Variants in CLDN20 observed in about 807,000 individuals in gnomAD.
CLDN20 encodes the protein claudin-20.
For synonymous variants in CLDN20, 104 were observed against 103.6 expected, an observed-to-expected ratio of 1.00 and a Z score of -0.03; for missense variants, 258 against 267.9, an observed-to-expected ratio of 0.96 and a Z score of 0.26.
chr6:155,265,672 A>AAT (rs1328236860), intron 1 of CLDN20, among the ~76,000 whole-genome samples: 14 of 147,756 alleles, frequency 9.5e-5, no homozygotes, highest in South Asian at 4.2e-4. Context: ...GAACTAATGG[A>AAT]ATATATATAT....
At chr6:155,266,715 C>T (rs1429907236) in intron 1 of CLDN20, among the ~76,000 whole-genome samples, 4 of 151,918 alleles carry the variant, frequency 2.6e-5, no homozygotes, top group African/African-American at 4.8e-5. Flanking sequence ...GGCGTGGTGG[C>T]GGCCGCCTGT....
At chr6:155,268,638 T>C (rs2114690594) in intron 1 of CLDN20, among the ~76,000 whole-genome samples, 1 of 152,256 alleles carries the variant, frequency 6.6e-6, no homozygotes, top group African/African-American at 2.4e-5. Context: ...AAACATGATC[T>C]GTGACCTTAC....
At chr6:155,267,692 G>A (rs536271968) in intron 1 of CLDN20, among the ~76,000 whole-genome samples, 5 of 152,256 alleles carry the variant, frequency 3.3e-5, no homozygotes, top group Admixed American at 2.6e-4. Context: ...GAGCAGGTGC[G>A]ACAGTGCTAT....
rs1785188116 is a variant in CLDN20, at chr6:155,276,054, A to G, written c.335A>G (p.Glu112Gly). ...MKCTRLGGDR[E>G]TKSHASFAGG... is the part of the protein sequence containing the mutation. ...TGTACTCGCTTAGGAGGGGACAGAG[A>G]AACCAAGAGCCATGCTTCCTTTGCT... Residue 112 changes from glutamate to glycine, a missense_variant, in exon 2 of 2, where the codon GAA (glutamate) becomes GGA (glycine). Glu to Gly is a moderately conservative substitution (Grantham distance 98). Transcript: ENST00000367165. 6.2e-7 allele frequency: 1 copy of G among 1,614,186 alleles called. No homozygotes were observed. The highest frequency in any genetic ancestry group is 8.5e-7 in the Non-Finnish European group (1 of 1,180,046).
intron 1 of CLDN20, among the ~76,000 whole-genome samples, chr6:155,265,640 A>G (rs1320364260): frequency 6.7e-6 from 1 of 149,446 alleles, no homozygotes; most frequent in Non-Finnish European, 1.5e-5. Context: ...AAACATTTGT[A>G]TTAGGGTTCT....
In CLDN20 at chr6:155,267,254, C is replaced by T. The variant is rs141235668; in HGVS notation, c.-105+2966C>T. Among the ~76,000 whole-genome samples, 1,192 of 152,264 alleles carry T rather than the reference C, an allele frequency of 7.8e-3. 16 individuals are homozygous for T. Among genetic ancestry groups the T allele is most frequent in the African/African-American group, 0.026 (1,093 of 41,552 alleles). On this transcript the variant is annotated intron_variant, in intron 1 of 1. Coordinates refer to ENST00000367165, the MANE Select transcript of CLDN20 (RefSeq NM_001001346.3). ...CCTCCCAAAGTGTTGGGATTATGGGCATGAGCCACCACACCTGGCCGTAGA... is the reference window on the plus strand; with the variant it reads ...CCTCCCAAAGTGTTGGGATTATGGGTATGAGCCACCACACCTGGCCGTAGA...
intron 1 of CLDN20, among the ~76,000 whole-genome samples, chr6:155,266,526 C>T (rs958169667): frequency 6.6e-6 from 1 of 152,198 alleles, no homozygotes; most frequent in Non-Finnish European, 1.5e-5. Context: ...CAGATACAAA[C>T]TTCCCCAGTC....
Position 155,276,069 on chromosome 6 carries a change from C to T in CLDN20, c.350C>T (p.Ala117Val), listed in dbSNP as rs767279681. The T allele has an allele frequency of 3.1e-6, 5 of 1,614,076 alleles. No homozygotes were observed. The highest frequency in any genetic ancestry group is 1.7e-5 in the Admixed American group (1 of 59,996). ...LGGDRETKSH[A>V]SFAGGVCFMS... Reference sequence around the variant, plus strand: ...GGGGACAGAGAAACCAAGAGCCATGCTTCCTTTGCTGGAGGAGTCTGTTTC... The same window carrying T: ...GGGGACAGAGAAACCAAGAGCCATGTTTCCTTTGCTGGAGGAGTCTGTTTC... Residue 117 changes from alanine to valine, a missense_variant, in exon 2 of 2, where the codon GCT becomes GTT. Physicochemically the swap from Ala to Val is moderately conservative, Grantham distance 64 (BLOSUM62 0). Coordinates refer to ENST00000367165, the MANE Select transcript of CLDN20 (RefSeq NM_001001346.3).
chr6:155,264,985 G>A lies in CLDN20; in HGVS notation c.-105+697G>A, dbSNP rs564429780. 5.3e-5 allele frequency among the ~76,000 whole-genome samples: 8 copies of A among 152,296 alleles called. No homozygotes were observed. The South Asian group carries it at 1.7e-3, about 32-fold the overall frequency. On this transcript the variant is annotated intron_variant, in intron 1 of 1. Transcript: ENST00000367165. ...CAAGAACTGACAATTGTTGTATAAA[G>A]GTTTTCTGTTACATTTAATCTGGAG...
chr6:155,276,195 AACC>A lies in CLDN20; in HGVS notation c.477_479del (p.Glu159_Pro160delinsAsp), dbSNP rs1785202358. 1 of 1,614,010 alleles carries A rather than the reference AACC, an allele frequency of 6.2e-7. No homozygotes were observed. The highest frequency in any genetic ancestry group is 8.5e-7 in the Non-Finnish European group (1 of 1,180,012). On this transcript the variant is annotated inframe_deletion, in exon 2 of 2. Transcript: ENST00000367165. ...ACAGTTCCAGAAAGCAACAAACATGAACCTGGAGGAGCTATCTATATCGGATTC... is the reference window on the plus strand; with the variant it reads ...ACAGTTCCAGAAAGCAACAAACATGATGGAGGAGCTATCTATATCGGATTC...
At chr6:155,272,723 A>C (rs1378156330) in intron 1 of CLDN20, among the ~76,000 whole-genome samples, 2 of 152,122 alleles carry the variant, frequency 1.3e-5, no homozygotes, top group Non-Finnish European at 2.9e-5. Flanking sequence ...TCTATGCAGA[A>C]AAAAAAGCAT....
At chr6:155,266,825 C>T (rs1400072797) in intron 1 of CLDN20, among the ~76,000 whole-genome samples, 12 of 106,684 alleles carry the variant, frequency 1.1e-4, no homozygotes, top group East Asian at 6.4e-4. Flanking sequence ...CCAGGGTGGG[C>T]GACAGAGCGA....
intron 1 of CLDN20, among the ~76,000 whole-genome samples, chr6:155,270,875 GTATT>G (rs1233244502): frequency 6.6e-6 from 1 of 152,104 alleles, no homozygotes; most frequent in Non-Finnish European, 1.5e-5. Flanking sequence ...ACTTCTTCCA[GTATT>G]TATTTATGCA....
In CLDN20 at chr6:155,276,193, T is replaced by TATA. The variant is rs1785201761; in HGVS notation, c.474_475insATA (p.His158_Glu159insIle). The TATA allele has an allele frequency of 6.2e-7, 1 of 1,613,974 alleles. No homozygotes were observed. Among genetic ancestry groups the TATA allele is most frequent in the Non-Finnish European group, 8.5e-7 (1 of 1,180,014 alleles). Reference sequence around the variant, plus strand: ...TGACAGTTCCAGAAAGCAACAAACATGAACCTGGAGGAGCTATCTATATCG... The same window carrying TATA: ...TGACAGTTCCAGAAAGCAACAAACATATAGAACCTGGAGGAGCTATCTATATCG... On this transcript the variant is annotated inframe_insertion, in exon 2 of 2. Transcript: ENST00000367165.
At chr6:155,271,223 C>T (rs944863988) in intron 1 of CLDN20, among the ~76,000 whole-genome samples, 5 of 152,068 alleles carry the variant, frequency 3.3e-5, no homozygotes, top group Admixed American at 2.0e-4. Context: ...TGTATAATGG[C>T]TATGAATTTA....
intron 1 of CLDN20, among the ~76,000 whole-genome samples, chr6:155,268,024 T>G (rs1784741640): frequency 6.6e-6 from 1 of 152,142 alleles, no homozygotes; most frequent in Non-Finnish European, 1.5e-5. Context: ...GACAGGAAAT[T>G]TTGGGTTCTT....
At chr6:155,266,574 C>T (rs977150005) in intron 1 of CLDN20, among the ~76,000 whole-genome samples, 1 of 152,050 alleles carries the variant, frequency 6.6e-6, no homozygotes, top group East Asian at 1.9e-4. Flanking sequence ...AGGCTGGGCG[C>T]TGTGGCTCAC....
At chr6:155,272,936 G>T (rs916216248) in intron 1 of CLDN20, among the ~76,000 whole-genome samples, 9 of 152,272 alleles carry the variant, frequency 5.9e-5, no homozygotes, top group Admixed American at 3.9e-4. Flanking sequence ...TTGGTAAGCT[G>T]AACATAGATT....
chr6:155,271,473 C>G (rs1175806445), intron 1 of CLDN20, among the ~76,000 whole-genome samples: 1 of 152,138 alleles, frequency 6.6e-6, no homozygotes, highest in Non-Finnish European at 1.5e-5. Flanking sequence ...ACCACACACA[C>G]AAAAATACCT....
Sources: gnomAD v4.1 joint callset for allele counts (sites outside exome capture counted in the v4.1 genomes callset) on GRCh38, gnomAD v4.1.1 for gene constraint, MANE v1.5 for transcripts, NCBI Gene and HGNC (gene_info 2026-07-23, HGNC 2026-07-21) for gene names.